RPH3AL: variants seen among roughly 807,000 people sequenced by gnomAD.
RPH3AL encodes the protein rabphilin 3A like (without C2 domains).
In RPH3AL, 38 loss-of-function variants were observed where a neutral mutation model predicts 43.1. The ratio of observed to expected loss-of-function variants is 0.88; its 90% CI spans 0.68 to 1.15. The LOEUF is 1.15. Among genes scored for constraint, RPH3AL ranks in the 50% most tolerant of loss-of-function variants. The pLI is 0.00. For missense variants in RPH3AL, 462 were observed against 423.2 expected (o/e 1.09, Z -0.81); for synonymous variants, 189 against 176.3 (o/e 1.07, Z -0.57).
rs1304890122 is a variant in RPH3AL, at chr17:230,826, T to C, written c.614-11090A>G. Among the ~76,000 whole-genome samples, 3 of 152,278 alleles carry C rather than the reference T, an allele frequency of 2.0e-5. No homozygotes were observed. The South Asian group carries it at 6.2e-4, about 32-fold the overall frequency. On this transcript the variant is annotated intron_variant, in intron 7 of 9. Coordinates refer to ENST00000331302, the MANE Select transcript of RPH3AL (RefSeq NM_006987.4). ...TCACTGTTCTTCCACCTCATCTCTT[T>C]GTGCCTCCCTTGTTTTTTGTTGTTG...
chr17:306,100 A>G (rs1047001909), intron 5 of RPH3AL, among the ~76,000 whole-genome samples: 1 of 150,752 alleles, frequency 6.6e-6, no homozygotes, highest in East Asian at 2.0e-4. Context: ...GTCTCAAGCA[A>G]TCTTCTCACC....
rs752562552 is a variant in RPH3AL, at chr17:245,452, C to T, written c.613+1659G>A. Reference sequence around the variant, plus strand: ...GTGTAGGTGTGAGCGTGTGTCAATGCGGTTGTGTTTGTGTGCGTGGATGTG... The same window carrying T: ...GTGTAGGTGTGAGCGTGTGTCAATGTGGTTGTGTTTGTGTGCGTGGATGTG... On this transcript the variant is annotated intron_variant, in intron 7 of 9. Coordinates refer to ENST00000331302, the MANE Select transcript of RPH3AL (RefSeq NM_006987.4). This position sits in a 1 kb window ranked among gnomAD's most constrained non-coding sequence, Gnocchi z 5.9. Among the ~76,000 whole-genome samples the T allele has an allele frequency of 3.5e-5, 5 of 141,932 alleles. No homozygotes were observed. The highest frequency in any genetic ancestry group is 2.1e-4 in the East Asian group (1 of 4,704). 93.1% of individuals were successfully genotyped at this position (141,932 alleles called of 152,430 possible).
At chr17:249,633 T>A (rs1265762393) in intron 6 of RPH3AL, among the ~76,000 whole-genome samples, 2 of 148,024 alleles carry the variant, frequency 1.4e-5, no homozygotes, top group Non-Finnish European at 3.0e-5. Context: ...GCAAACTTCC[T>A]CTGCATCACA....
intron 5 of RPH3AL, among the ~76,000 whole-genome samples, chr17:286,623 A>G (rs948755733): frequency 1.3e-5 from 2 of 152,050 alleles, no homozygotes; most frequent in Admixed American, 6.5e-5. Flanking sequence ...ATTTTTGAAA[A>G]CCCATGCGAC....
intron 6 of RPH3AL, chr17:247,701 A>G (rs1385559560): frequency 2.3e-5 from 4 of 174,646 alleles, no homozygotes; most frequent in African/African-American, 9.5e-5. Context: ...AGGGATCTCA[A>G]TATGGGCCTG....
chr17:239,442 T>C (rs1234534452), intron 7 of RPH3AL, among the ~76,000 whole-genome samples: 1 of 152,218 alleles, frequency 6.6e-6, no homozygotes, highest in Non-Finnish European at 1.5e-5. Context: ...TTGGCGTCCA[T>C]ACATTCTCAG....
At chr17:281,459 C>G (rs2042776165) in intron 6 of RPH3AL, among the ~76,000 whole-genome samples, 1 of 152,056 alleles carries the variant, frequency 6.6e-6, no homozygotes, top group South Asian at 2.1e-4. Flanking sequence ...CCACAAACAC[C>G]ACATGCTCTC....
At chr17:305,261 G>C (rs932232490) in intron 5 of RPH3AL, among the ~76,000 whole-genome samples, 1 of 152,020 alleles carries the variant, frequency 6.6e-6, no homozygotes, top group Non-Finnish European at 1.5e-5. Context: ...CACCGGCCGA[G>C]TTGGGACTCA....
At chr17:244,964 T>C (rs2041712267) in intron 7 of RPH3AL, among the ~76,000 whole-genome samples, 2 of 151,874 alleles carry the variant, frequency 1.3e-5, no homozygotes, top group South Asian at 2.1e-4. Flanking sequence ...GTGTGTGAGC[T>C]TGTGTGTCTG....
intron 6 of RPH3AL, among the ~76,000 whole-genome samples, chr17:272,957 T>G (rs76925663): frequency 0.22 from 5,478 of 25,262 alleles, 268 homozygotes; most frequent in African/African-American, 0.32. Context: ...CAGCAAGGGC[T>G]ACGTCAGGGT....
intron 5 of RPH3AL, among the ~76,000 whole-genome samples, chr17:315,309 G>A (rs1474683510): frequency 2.4e-4 from 5 of 21,276 alleles, no homozygotes; most frequent in Admixed American, 6.8e-4. Flanking sequence ...GTGACCTGTA[G>A]TCCCTGTGAC....
intron 5 of RPH3AL, among the ~76,000 whole-genome samples, chr17:316,870 T>C (rs1325239274): frequency 2.0e-5 from 3 of 150,318 alleles, no homozygotes; most frequent in Non-Finnish European, 4.4e-5. Context: ...GTAGTCCCTG[T>C]GCTCCACCTC....
At chr17:258,839 C>T (rs921143905) in intron 6 of RPH3AL, among the ~76,000 whole-genome samples, 1 of 150,084 alleles carries the variant, frequency 6.7e-6, no homozygotes, top group South Asian at 2.1e-4. Context: ...TGGCTCACTG[C>T]AGCCTTGACA....
In RPH3AL at chr17:329,612, A is replaced by G. The variant is rs112711303; in HGVS notation, c.-36-2033T>C. 2.3e-3 allele frequency among the ~76,000 whole-genome samples: 354 copies of G among 152,368 alleles called. 1 individual carries two copies. Among genetic ancestry groups the G allele is most frequent in the African/African-American group, 7.8e-3 (326 of 41,584 alleles). On this transcript the variant is annotated intron_variant, in intron 2 of 9. Coordinates refer to ENST00000331302, the MANE Select transcript of RPH3AL (RefSeq NM_006987.4). ...TTAATTCATTAAAAATAATAAACCC[A>G]TTAGACGTTCACATAATTTACATAT...
rs190635187 is a variant in RPH3AL at position 311,793 on chromosome 17, A to G, written c.351+7627T>C. Among the ~76,000 whole-genome samples the G allele has an allele frequency of 3.4e-4, 52 of 152,306 alleles. 1 individual carries two copies. The highest frequency in any genetic ancestry group is 3.2e-3 in the Admixed American group (49 of 15,304). ...GGCTTTTATGTAAATTACAGAAAAT[A>G]TGGGACTAGCTGTGGGAGCTCCAAT... On this transcript the variant is annotated intron_variant, in intron 5 of 9. Coordinates refer to ENST00000331302, the MANE Select transcript of RPH3AL (RefSeq NM_006987.4).
intron 5 of RPH3AL, among the ~76,000 whole-genome samples, chr17:296,784 G>A (rs921183655): frequency 3.3e-5 from 5 of 152,224 alleles, no homozygotes; most frequent in African/African-American, 1.2e-4. Context: ...GGTGTGGAAG[G>A]GTTCTACGTG....
chr17:268,253 A>C (rs1248795591), intron 6 of RPH3AL, among the ~76,000 whole-genome samples: 1 of 151,956 alleles, frequency 6.6e-6, no homozygotes, highest in African/African-American at 2.4e-5. Context: ...GTGACAATAA[A>C]ACCAACTCCC....
chr17:276,102 G>A (rs577682183), intron 6 of RPH3AL, among the ~76,000 whole-genome samples: 11 of 152,322 alleles, frequency 7.2e-5, no homozygotes, highest in South Asian at 2.1e-4. Context: ...AATCGGGGAC[G>A]AGACAGTTGG....
At position 213,823 on chromosome 17, in the gene RPH3AL, A is replaced by G. The variant is rs1324978405; in HGVS notation, c.*29T>C. 1.3e-6 allele frequency: 2 copies of G among 1,595,466 alleles called. No individual in the cohort carries two copies. Among genetic ancestry groups the G allele is most frequent in the Non-Finnish European group, 1.7e-6 (2 of 1,164,360 alleles). ...GCAGGGTCTGGCAGGAATCCTCCAC[A>G]GGGAAGTCTGTTCCAGGCACCAGAC... On this transcript the variant is annotated 3_prime_UTR_variant, in exon 10 of 10. Transcript: ENST00000331302.
Sources: allele counts gnomAD v4.1 joint callset (sites outside exome capture counted in the v4.1 genomes callset), GRCh38; gene constraint gnomAD v4.1.1; non-coding constraint Gnocchi (gnomAD v3.1); transcripts MANE v1.5; gene names NCBI Gene and HGNC (gene_info 2026-07-23, HGNC 2026-07-21).